The following RBFOX3 variants were observed in gnomAD, a reference collection of about 807,000 sequenced individuals.
RBFOX3 encodes the protein RNA binding protein fox-1 homolog 3.
RBFOX3 carries 17 observed loss-of-function variants against 48.7 expected under a neutral mutation model. The ratio of observed to expected loss-of-function variants is 0.35; its 90% CI spans 0.24 to 0.52. The LOEUF (loss-of-function observed/expected upper bound fraction) is 0.52, where lower values mean the gene tolerates loss of function less well. Among genes scored for constraint, RBFOX3 ranks in the 20% least tolerant of loss-of-function variants. The pLI, the probability that RBFOX3 is intolerant of heterozygous loss-of-function variation, is 0.94. For missense variants in RBFOX3, 382 were observed against 497.5 expected (o/e 0.77, Z 2.21); for synonymous variants, 212 against 209.5 (o/e 1.01, Z -0.10).
intron 4 of RBFOX3, among the ~76,000 whole-genome samples, chr17:79,177,214 C>CCA (rs1833684066): frequency 6.6e-6 from 1 of 152,126 alleles, no homozygotes; most frequent in South Asian, 2.1e-4. Context: ...TCCTCTCCCC[C>CCA]CCCGCCCTCT....
chr17:79,591,812 GA>G (rs2093424363), intron 1 of RBFOX3, among the ~76,000 whole-genome samples: 1 of 151,986 alleles, frequency 6.6e-6, no homozygotes, highest in African/African-American at 2.4e-5. Context: ...AGGGTGTGAG[GA>G]GGGGTGTGCA....
intron 1 of RBFOX3, among the ~76,000 whole-genome samples, chr17:79,520,561 C>G (rs2085913742): frequency 6.6e-6 from 1 of 152,222 alleles, no homozygotes; most frequent in Admixed American, 6.5e-5. Context: ...CACCAGCCCA[C>G]CAGCCGTCTC....
chr17:79,643,271 C>T, the RBFOX3 span, among the ~76,000 whole-genome samples: 24 of 152,038 alleles, frequency 1.6e-4, no homozygotes, highest in South Asian at 8.3e-4. Flanking sequence ...ATATATAATT[C>T]GCAAGCATAA....
In RBFOX3 at chr17:79,190,396, A is replaced by G. The variant is rs2054229255; in HGVS notation, c.-34+45370T>C. Among the ~76,000 whole-genome samples, 4 of 142,664 alleles carry G rather than the reference A, an allele frequency of 2.8e-5. No homozygotes were observed. In the South Asian group the frequency reaches 7.0e-4, roughly 25 times the overall value. The allele number at this position is 142,664 out of a possible 152,430, so 93.6% of individuals were successfully genotyped here. On this transcript the variant is annotated intron_variant, in intron 4 of 14. Transcript: ENST00000693108. ...ATTGCACTCCAGCCTGGGCAACAAG[A>G]GTAAATCTCTGTCTCACCAAAAAAA...
At chr17:79,257,237 CCTT>C (rs1490212027) in intron 3 of RBFOX3, among the ~76,000 whole-genome samples, 2 of 152,208 alleles carry the variant, frequency 1.3e-5, no homozygotes, top group East Asian at 3.9e-4. Flanking sequence ...TCTGAGCAGT[CCTT>C]CCCCAAGCCC....
rs1429182937 is a variant in RBFOX3 at position 79,480,302 on chromosome 17, GC to G, written c.-175+2151del. Reference sequence around the variant, plus strand: ...GTTTAAGGGTTTATCTCAGACATGGGCCCAGATCCACCACTCCTCTCCTCCC... The same window carrying G: ...GTTTAAGGGTTTATCTCAGACATGGGCCAGATCCACCACTCCTCTCCTCCC... On this transcript the variant is annotated intron_variant, in intron 2 of 14. Transcript: ENST00000693108. The surrounding 1 kb of genome is among the most constrained non-coding windows in gnomAD (Gnocchi z 4.8). 6.6e-6 allele frequency among the ~76,000 whole-genome samples: 1 copy of G among 152,082 alleles called. No individual in the cohort carries two copies. Among genetic ancestry groups the G allele is most frequent in the Non-Finnish European group, 1.5e-5 (1 of 68,008 alleles).
At chr17:79,126,390 T>C (rs1040525076) in intron 4 of RBFOX3, among the ~76,000 whole-genome samples, 1 of 152,180 alleles carries the variant, frequency 6.6e-6, no homozygotes, top group African/African-American at 2.4e-5. Context: ...TGAGCACCCC[T>C]GCCCGGCCCA....
intron 4 of RBFOX3, among the ~76,000 whole-genome samples, chr17:79,217,319 C>T (rs74001691): frequency 1.0e-3 from 154 of 152,294 alleles, no homozygotes; most frequent in African/African-American, 3.6e-3. Flanking sequence ...TATGTTCACT[C>T]GAGGATGGGA....
chr17:79,485,785 G>A (rs1327226814), intron 1 of RBFOX3, among the ~76,000 whole-genome samples: 2 of 152,212 alleles, frequency 1.3e-5, no homozygotes, highest in Non-Finnish European at 2.9e-5. Flanking sequence ...GCCTGCGCTC[G>A]AGCCTCCTTG....
At chr17:79,448,724 T>G (rs1313318020) in intron 2 of RBFOX3, among the ~76,000 whole-genome samples, 1 of 152,042 alleles carries the variant, frequency 6.6e-6, no homozygotes, top group African/African-American at 2.4e-5. Context: ...ACAGACATAC[T>G]CAAGGACTGG....
intron 1 of RBFOX3, among the ~76,000 whole-genome samples, chr17:79,483,429 C>A (rs1310877363): frequency 6.3e-5 from 3 of 47,770 alleles, no homozygotes; most frequent in Non-Finnish European, 1.5e-4. Context: ...CTTCCCTGCA[C>A]AATTGCAGGC....
intron 2 of RBFOX3, among the ~76,000 whole-genome samples, chr17:79,374,419 C>A (rs1159518039): frequency 6.6e-6 from 1 of 152,226 alleles, no homozygotes; most frequent in Non-Finnish European, 1.5e-5. Context: ...AAAGGACCGG[C>A]TTTCCATGCA....
At chr17:79,534,202 A>G (rs910781813) in intron 1 of RBFOX3, among the ~76,000 whole-genome samples, 13 of 152,356 alleles carry the variant, frequency 8.5e-5, no homozygotes, top group African/African-American at 3.1e-4. Context: ...TGAAAAACGA[A>G]AATGTCATCC....
intron 4 of RBFOX3, among the ~76,000 whole-genome samples, chr17:79,120,742 A>ATGGATGGC (rs2035520228): frequency 9.1e-6 from 1 of 109,978 alleles, no homozygotes; most frequent in Non-Finnish European, 2.0e-5. Context: ...GGATGGATGG[A>ATGGATGGC]CAGATGGATA....
chr17:79,357,804 T>C (rs934906139), intron 2 of RBFOX3, among the ~76,000 whole-genome samples: 2 of 149,244 alleles, frequency 1.3e-5, no homozygotes, highest in East Asian at 3.9e-4. Context: ...TCAAGGGTGT[T>C]TTTTTTTTAT....
intron 1 of RBFOX3, among the ~76,000 whole-genome samples, chr17:79,567,907 T>C (rs2092527260): frequency 1.3e-5 from 2 of 152,218 alleles, no homozygotes; most frequent in African/African-American, 2.4e-5. Context: ...GAAATTCATA[T>C]AAAAGAACCT....
intron 1 of RBFOX3, among the ~76,000 whole-genome samples, chr17:79,543,358 G>A (rs1404175093): frequency 2.0e-5 from 3 of 152,112 alleles, no homozygotes; most frequent in East Asian, 3.9e-4. Context: ...CTCAGATAGG[G>A]CCGCCCAGAA....
chr17:79,572,587 C>T (rs2092714694), intron 1 of RBFOX3, among the ~76,000 whole-genome samples: 1 of 152,170 alleles, frequency 6.6e-6, no homozygotes, highest in Non-Finnish European at 1.5e-5. Flanking sequence ...GGGAGCCAAG[C>T]TGAAGGCAGT....
At chr17:79,454,969 C>T (rs782379163) in intron 2 of RBFOX3, among the ~76,000 whole-genome samples, 10 of 152,334 alleles carry the variant, frequency 6.6e-5, no homozygotes, top group African/African-American at 1.7e-4. Context: ...GAGCCAGCCA[C>T]GTGCACGAGG....
Sources: allele counts gnomAD v4.1 joint callset (sites outside exome capture counted in the v4.1 genomes callset), GRCh38; gene constraint gnomAD v4.1.1; non-coding constraint Gnocchi (gnomAD v3.1); transcripts MANE v1.5; gene names NCBI Gene and HGNC (gene_info 2026-07-23, HGNC 2026-07-21).